Variants in PDE3A observed in about 807,000 individuals in gnomAD.
PDE3A encodes phosphodiesterase 3A, also known as cGMP-inhibited 3',5'-cyclic phosphodiesterase 3A.
In PDE3A, 43 loss-of-function variants were observed where a neutral mutation model predicts 98.3. The ratio of observed to expected loss-of-function variants is 0.44; its 90% CI spans 0.34 to 0.56. The LOEUF (loss-of-function observed/expected upper bound fraction) is 0.56. Ranked by LOEUF, PDE3A falls within the 20% of genes least tolerant of loss-of-function variation. The probability of loss-of-function intolerance (pLI) is 0.01; values close to 1 mark genes in which losing one functional copy is unlikely to be tolerated. For synonymous variants in PDE3A, 663 were observed against 567.9 expected, an observed-to-expected ratio of 1.17 and a Z score of -2.38; for missense variants, 1,427 against 1,440.7, an observed-to-expected ratio of 0.99 and a Z score of 0.15.
intron 13 of PDE3A, among the ~76,000 whole-genome samples, chr12:20,650,110 C>T (rs1944881700): frequency 6.6e-6 from 1 of 152,072 alleles, no homozygotes; most frequent in South Asian, 2.1e-4. Context: ...AATGGGGTAT[C>T]TGTCACCTCA....
At chr12:20,632,185 C>G (rs1944395534) in intron 6 of PDE3A, among the ~76,000 whole-genome samples, 1 of 152,032 alleles carries the variant, frequency 6.6e-6, no homozygotes, top group Non-Finnish European at 1.5e-5. Context: ...CCCTTTTTGT[C>G]CTATCATTTT....
chr12:20,628,613 G>T (rs1944316571), intron 5 of PDE3A, among the ~76,000 whole-genome samples: 1 of 152,048 alleles, frequency 6.6e-6, no homozygotes, highest in Non-Finnish European at 1.5e-5. Flanking sequence ...TAGTATAAAG[G>T]CTGGGAGGGG....
intron 1 of PDE3A, among the ~76,000 whole-genome samples, chr12:20,416,140 A>T (rs1944418579): frequency 6.6e-6 from 1 of 152,212 alleles, no homozygotes; most frequent in Non-Finnish European, 1.5e-5. Context: ...AAAGCACAGC[A>T]TTAACTTTAG....
At chr12:20,379,687 G>C (rs973813788) in intron 1 of PDE3A, among the ~76,000 whole-genome samples, 2 of 151,732 alleles carry the variant, frequency 1.3e-5, no homozygotes, top group Non-Finnish European at 2.9e-5. Context: ...CTGAGGTTGA[G>C]GTAGTGACTA....
At chr12:20,615,609 T>C (rs369584833) in intron 3 of PDE3A, among the ~76,000 whole-genome samples, 15 of 152,302 alleles carry the variant, frequency 9.8e-5, no homozygotes, top group African/African-American at 2.9e-4. Flanking sequence ...TATAGGTGTG[T>C]AAATCCTGTT....
intron 1 of PDE3A, among the ~76,000 whole-genome samples, chr12:20,482,410 C>A (rs137890206): frequency 6.1e-4 from 93 of 151,958 alleles, no homozygotes; most frequent in African/African-American, 2.1e-3. Context: ...TACTTGGGCA[C>A]ATGTAGGGAA....
At chr12:20,389,885 T>C (rs1220228380) in intron 1 of PDE3A, among the ~76,000 whole-genome samples, 1 of 151,860 alleles carries the variant, frequency 6.6e-6, no homozygotes, top group African/African-American at 2.4e-5. Context: ...GTGTTTATGT[T>C]AGTAGTAGGC....
At chr12:20,396,078 A>G (rs1427238252) in intron 1 of PDE3A, among the ~76,000 whole-genome samples, 1 of 152,032 alleles carries the variant, frequency 6.6e-6, no homozygotes, top group East Asian at 1.9e-4. Context: ...CCATATTGTC[A>G]TATTGCTTAA....
chr12:20,650,578 T>G lies in PDE3A; in HGVS notation c.2903T>G (p.Ile968Ser). ...KELHLQWTDG[I>S]VNEFYEQGDE... ...CTCCATCTTCAGTGGACAGATGGTA[T>G]TGTCAATGAATTTTATGAACAGGTA... Residue 968 changes from isoleucine (I) to serine (S), a missense_variant, in exon 14 of 16, where the codon ATT (isoleucine) becomes AGT (serine). Ile to Ser is a moderately radical substitution (Grantham distance 142, BLOSUM62 -2). Transcript: ENST00000359062. 1 of 1,611,184 alleles carries G rather than the reference T, an allele frequency of 6.2e-7. No individual in the cohort carries two copies.
rs560558565 is a variant in PDE3A at position 20,667,407 on chromosome 12, T to C, written c.3185-12623T>C. 7.9e-5 allele frequency among the ~76,000 whole-genome samples: 12 copies of C among 152,314 alleles called. No homozygotes were observed. In the South Asian group the frequency reaches 2.5e-3, roughly 32 times the overall value. On this transcript the variant is annotated intron_variant, in intron 15 of 15. Coordinates refer to ENST00000359062, the MANE Select transcript of PDE3A (RefSeq NM_000921.5). ...TGTCTTCTAACAGTTTTATAGTTTTTGGTCTTACTTAAGTCTTTAATCTAT... is the reference window on the plus strand; with the variant it reads ...TGTCTTCTAACAGTTTTATAGTTTTCGGTCTTACTTAAGTCTTTAATCTAT...
chr12:20,614,046 C>G (rs1943937368), intron 3 of PDE3A, among the ~76,000 whole-genome samples: 1 of 152,128 alleles, frequency 6.6e-6, no homozygotes, highest in African/African-American at 2.4e-5. Flanking sequence ...AATCCTTGCT[C>G]CTTTCTAGTG....
chr12:20,637,702 A>C (rs887214330), intron 9 of PDE3A, among the ~76,000 whole-genome samples: 3 of 152,164 alleles, frequency 2.0e-5, no homozygotes, highest in Non-Finnish European at 4.4e-5. Flanking sequence ...TAGTGTTATG[A>C]AAAACACATC....
intron 15 of PDE3A, among the ~76,000 whole-genome samples, chr12:20,665,965 T>C (rs1026801807): frequency 2.8e-4 from 41 of 144,644 alleles, no homozygotes; most frequent in African/African-American, 1.0e-3. Context: ...ATTTCTTTTT[T>C]TTTTTTTTTT....
At chr12:20,566,209 T>C (rs1475272642) in intron 2 of PDE3A, among the ~76,000 whole-genome samples, 3 of 152,016 alleles carry the variant, frequency 2.0e-5, no homozygotes, top group Non-Finnish European at 4.4e-5. Flanking sequence ...TGGCGGAGTT[T>C]TTTTTTCTCC....
intron 1 of PDE3A, among the ~76,000 whole-genome samples, chr12:20,401,140 C>G (rs1944122311): frequency 6.6e-6 from 1 of 152,066 alleles, no homozygotes; most frequent in African/African-American, 2.4e-5. Flanking sequence ...TTTCCGTTTT[C>G]TACTCTCACT....
intron 15 of PDE3A, among the ~76,000 whole-genome samples, chr12:20,659,288 G>A (rs11045373): frequency 0.61 from 92,870 of 151,836 alleles, 28,706 homozygotes; most frequent in East Asian, 0.79. Flanking sequence ...TTTATTCACT[G>A]TGTTTTAAAA....
At chr12:20,598,103 T>G (rs1015441827) in intron 2 of PDE3A, among the ~76,000 whole-genome samples, 1 of 152,082 alleles carries the variant, frequency 6.6e-6, no homozygotes, top group African/African-American at 2.4e-5. Flanking sequence ...TTTGAAAACT[T>G]TATTATTCGA....
At chr12:20,549,908 A>G (rs991473646) in intron 1 of PDE3A, among the ~76,000 whole-genome samples, 1 of 152,192 alleles carries the variant, frequency 6.6e-6, no homozygotes, top group African/African-American at 2.4e-5. Context: ...TTTGAAATGC[A>G]TCTTACAAGC....
chr12:20,440,082 G>C (rs1015613791), intron 1 of PDE3A, among the ~76,000 whole-genome samples: 1 of 152,142 alleles, frequency 6.6e-6, no homozygotes, highest in Admixed American at 6.6e-5. Flanking sequence ...GTCATTGTAT[G>C]ATATAAATCC....
Sources: allele counts gnomAD v4.1 joint callset (sites outside exome capture counted in the v4.1 genomes callset), GRCh38; gene constraint gnomAD v4.1.1; transcripts MANE v1.5; gene names NCBI Gene and HGNC (gene_info 2026-07-23, HGNC 2026-07-21).